NFKB2: variants seen among roughly 807,000 people sequenced by gnomAD.
NFKB2 encodes nuclear factor NF-kappa-B p100 subunit.
A neutral mutation model predicts 109.3 loss-of-function variants in NFKB2; 21 were observed. The observed-to-expected ratio is 0.19, with a 90% CI of 0.14 to 0.28. The LOEUF (loss-of-function observed/expected upper bound fraction) is 0.28, where lower values mean the gene tolerates loss of function less well. Among genes scored for constraint, NFKB2 ranks in the 10% least tolerant of loss-of-function variants. The probability of loss-of-function intolerance (pLI) is 1.00; values close to 1 mark genes in which losing one functional copy is unlikely to be tolerated. For missense variants in NFKB2, 806 were observed against 1,185.3 expected (o/e 0.68, Z 4.70); for synonymous variants, 478 against 489.9 (o/e 0.98, Z 0.32).
rs74153103 is a variant in NFKB2 at position 102,400,870 on chromosome 10, G to A, written c.1968+46G>A. 3.2e-5 allele frequency: 50 copies of A among 1,576,806 alleles called. No homozygotes were observed. In the African/African-American group the frequency reaches 6.4e-4, roughly 20 times the overall value. ...AGGAGTGGGGCCAAGGGTGGTGGAG[G>A]GGCCAAAGATGGTGAAGGGGGGGGC... On this transcript the variant is annotated intron_variant, in intron 17 of 22. Transcript: ENST00000661543. The surrounding 1 kb of genome is among the most constrained non-coding windows in gnomAD (Gnocchi z 6.3).
chr10:102,399,760 G>A (rs1161977281), intron 14 of NFKB2, 42 bp downstream of exon 14: 2 of 1,443,200 alleles, frequency 1.4e-6, no homozygotes, highest in South Asian at 2.9e-5. Context: ...CGGGGTGGGG[G>A]CAGGAAAGGG....
chr10:102,399,573 G>T lies in NFKB2; in HGVS notation c.1328-4G>T, dbSNP rs1048005855. On this transcript the variant is annotated splice_region_variant and splice_polypyrimidine_tract_variant and intron_variant, in intron 13 of 22. Coordinates refer to ENST00000661543, the MANE Select transcript of NFKB2 (RefSeq NM_001322934.2). ...CCCTGACCCACGCCCTCTGTGGCCC[G>T]TAGCTCGAGAGTACAACGCGCGCCT... is the stretch of plus-strand genomic sequence containing the variant. 2 of 1,549,632 alleles carry T rather than the reference G, an allele frequency of 1.3e-6. No homozygotes were observed. The highest frequency in any genetic ancestry group is 1.2e-5 in the South Asian group (1 of 84,110).
chr10:102,398,598 T>C lies in NFKB2; in HGVS notation c.991+75T>C, dbSNP rs2061158760. The C allele has an allele frequency of 2.5e-6, 4 of 1,609,644 alleles. No homozygotes were observed. The highest frequency in any genetic ancestry group is 1.1e-5 in the South Asian group (1 of 90,700). On this transcript the variant is annotated intron_variant, in intron 11 of 22. Transcript: ENST00000661543. The surrounding 1 kb of genome is among the most constrained non-coding windows in gnomAD (Gnocchi z 6.6). ...CTAGAAGAAGGTCCCAAGAGCTAGA[T>C]GTGGGGATGCATGAGCCAAGTCAGA...
In NFKB2 at chr10:102,400,222, G is replaced by C. The variant is rs758248642; in HGVS notation, c.1584+28G>C. 1.4e-4 allele frequency: 229 copies of C among 1,613,852 alleles called. No individual in the cohort carries two copies. The highest frequency in any genetic ancestry group is 1.9e-4 in the Non-Finnish European group (222 of 1,179,938). On this transcript the variant is annotated intron_variant, in intron 15 of 22. Coordinates refer to ENST00000661543, the MANE Select transcript of NFKB2 (RefSeq NM_001322934.2). The surrounding 1 kb of genome is among the most constrained non-coding windows in gnomAD (Gnocchi z 6.3). Reference sequence around the variant, plus strand: ...GCGGGGGCGCCTACTGGGGAGGTGGGAGGGGTTGGAAGGCAAGTGGGTCTC... The same window carrying C: ...GCGGGGGCGCCTACTGGGGAGGTGGCAGGGGTTGGAAGGCAAGTGGGTCTC...
In NFKB2 at chr10:102,400,528, G is replaced by A. The variant is rs747365773; in HGVS notation, c.1798+37G>A. Reference sequence around the variant, plus strand: ...ATCTCACCTGACTAAGGGGGCAGGCGGGGACCAGGGAGGGTATCTGGCCAG... The same window carrying A: ...ATCTCACCTGACTAAGGGGGCAGGCAGGGACCAGGGAGGGTATCTGGCCAG... On this transcript the variant is annotated intron_variant, in intron 16 of 22. Coordinates refer to ENST00000661543, the MANE Select transcript of NFKB2 (RefSeq NM_001322934.2). The surrounding 1 kb of genome is among the most constrained non-coding windows in gnomAD (Gnocchi z 6.3). 1.3e-5 allele frequency: 21 copies of A among 1,587,610 alleles called. No homozygotes were observed. Among genetic ancestry groups the A allele is most frequent in the South Asian group, 3.4e-5 (3 of 88,720 alleles).
chr10:102,399,099 G>A (rs2061169364), intron 12 of NFKB2, 189 bp from the exon 13 acceptor site: 2 of 731,412 alleles, frequency 2.7e-6, no homozygotes, highest in South Asian at 1.9e-5. Flanking sequence ...TGTAATCCCA[G>A]CTACTCGGGA....
chr10:102,397,086 G>A lies in NFKB2; in HGVS notation c.395+31G>A, dbSNP rs1018164583. 8.8e-6 allele frequency: 14 copies of A among 1,597,404 alleles called. No homozygotes were observed. The Admixed American group carries it at 1.2e-4, about 13-fold the overall frequency. On this transcript the variant is annotated intron_variant, in intron 6 of 22. Transcript: ENST00000661543. The surrounding 1 kb of genome is among the most constrained non-coding windows in gnomAD (Gnocchi z 4.7). ...TGCCCTCTACGCCTGGCCCCCACTG[G>A]TATGCCCGTCTGCCAGTCCCAGGCC...
chr10:102,397,080 C>T lies in NFKB2; in HGVS notation c.395+25C>T. 6.3e-7 allele frequency: 1 copy of T among 1,599,264 alleles called. No homozygotes were observed. The highest frequency in any genetic ancestry group is 1.3e-5 in the African/African-American group (1 of 74,768). On this transcript the variant is annotated intron_variant, in intron 6 of 22. Coordinates refer to ENST00000661543, the MANE Select transcript of NFKB2 (RefSeq NM_001322934.2). The surrounding 1 kb of genome is among the most constrained non-coding windows in gnomAD (Gnocchi z 4.7). ...AGTAGGTGCCCTCTACGCCTGGCCC[C>T]CACTGGTATGCCCGTCTGCCAGTCC...
Position 102,398,521 on chromosome 10 carries a change from A to T in NFKB2, c.989A>T (p.Glu330Val). 1 of 1,613,686 alleles carries T rather than the reference A, an allele frequency of 6.2e-7. No homozygotes were observed. The change falls in exon 11 of 23, where the codon GAA (glutamate) becomes GTA (valine). Residue 330 changes from glutamate (E) to valine (V), a missense_variant and splice_region_variant. Physicochemically the swap from Glu to Val is moderately radical, Grantham distance 121 (BLOSUM62 -2). Coordinates refer to ENST00000661543, the MANE Select transcript of NFKB2 (RefSeq NM_001322934.2). The surrounding 1 kb of genome is among the most constrained non-coding windows in gnomAD (Gnocchi z 6.6). ...SKQFTYYPLV[E>V]DKEEVQRKRR... ...CAGTTCACCTATTACCCTCTGGTGG[A>T]AGGTGGAGCTGGGCTGAGGACCTCA...
Position 102,396,153 on chromosome 10 carries a change from A to T in NFKB2, c.22-100A>T. 1 of 1,459,708 alleles carries T rather than the reference A, an allele frequency of 6.9e-7. No homozygotes were observed. The highest frequency in any genetic ancestry group is 9.5e-7 in the Non-Finnish European group (1 of 1,052,018). The allele number at this position is 1,459,708 out of a possible 1,614,324, so 90.4% of individuals were successfully genotyped here. A position where few individuals can be genotyped will look rare whatever the true frequency, so the allele number is the denominator to read the frequency against. On this transcript the variant is annotated intron_variant, in intron 2 of 22. Coordinates refer to ENST00000661543, the MANE Select transcript of NFKB2 (RefSeq NM_001322934.2). This position sits in a 1 kb window ranked among gnomAD's most constrained non-coding sequence, Gnocchi z 5.9. Reference sequence around the variant, plus strand: ...CAAAAGGAGCTTTCTCTTGGGTCTGAGGAGGAGGGGGGAGTGACCACTGAA... The same window carrying T: ...CAAAAGGAGCTTTCTCTTGGGTCTGTGGAGGAGGGGGGAGTGACCACTGAA...
chr10:102,400,691 G>A lies in NFKB2; in HGVS notation c.1835G>A (p.Ser612Asn), dbSNP rs1347281583. ...GTACACCTGGCAGTCCGAGCCCGAA[G>A]CCCTGAGTGCCTGGATCTGCTGGTG... Reference protein sequence around the residue: ...YPVHLAVRARSPECLDLLVDS... With the variant: ...YPVHLAVRARNPECLDLLVDS... Residue 612 changes from serine (S) to asparagine (N), a missense_variant, in exon 17 of 23, where the codon AGC (serine) becomes AAC (asparagine). Around this residue, in one of 10 missense-constraint regions of NFKB2, gnomAD observed 163 missense variants for 207.1 expected, o/e 0.79. Transcript: ENST00000661543. The surrounding 1 kb of genome is among the most constrained non-coding windows in gnomAD (Gnocchi z 6.3). 3.1e-6 allele frequency: 5 copies of A among 1,613,992 alleles called. No homozygotes were observed. The highest frequency in any genetic ancestry group is 2.7e-5 in the African/African-American group (2 of 74,906).
rs762964415 is a variant in NFKB2 at position 102,396,274 on chromosome 10, T to A, written c.43T>A (p.Tyr15Asn). The A allele has an allele frequency of 1.6e-5, 26 of 1,612,580 alleles. No individual in the cohort carries two copies. Among genetic ancestry groups the A allele is most frequent in the Non-Finnish European group, 2.2e-5 (26 of 1,178,890 alleles). ...YNPGLDGIIE[Y>N]DDFKLNSSIV... ...CCAGGGTCTGGATGGTATTATTGAA[T>A]ATGATGATTTCAAATTGAACTCCTC... The change falls in exon 3 of 23, where the codon TAT becomes AAT. Residue 15 changes from tyrosine (Y) to asparagine (N), a missense_variant. Coordinates refer to ENST00000661543, the MANE Select transcript of NFKB2 (RefSeq NM_001322934.2). This position sits in a 1 kb window ranked among gnomAD's most constrained non-coding sequence, Gnocchi z 5.9.
In NFKB2 at chr10:102,400,309, A is replaced by G; in HGVS notation, c.1616A>G (p.Gln539Arg). ...TPLHLAVITG[Q>R]TSVVSFLLRV... Reference sequence around the variant, plus strand: ...CTGCACCTGGCGGTGATCACGGGGCAGACGAGTGTGGTGAGCTTTCTGCTG... The same window carrying G: ...CTGCACCTGGCGGTGATCACGGGGCGGACGAGTGTGGTGAGCTTTCTGCTG... Residue 539 changes from glutamine (Q) to arginine (R), a missense_variant, in exon 16 of 23, where the codon CAG becomes CGG. Coordinates refer to ENST00000661543, the MANE Select transcript of NFKB2 (RefSeq NM_001322934.2). This position sits in a 1 kb window ranked among gnomAD's most constrained non-coding sequence, Gnocchi z 6.3. 6.2e-7 allele frequency: 1 copy of G among 1,614,054 alleles called. No individual in the cohort carries two copies. The highest frequency in any genetic ancestry group is 1.1e-5 in the South Asian group (1 of 91,086).
intron 14 of NFKB2, 152 bp downstream of exon 14, chr10:102,399,870 C>T: frequency 7.8e-7 from 1 of 1,274,892 alleles, no homozygotes; most frequent in Non-Finnish European, 1.1e-6. Context: ...TCTCTCCAAA[C>T]TTCAGTTTGG....
intron 14 of NFKB2, 50 bp downstream of exon 14, chr10:102,399,768 GGGACC>G: frequency 6.9e-7 from 1 of 1,440,568 alleles, no homozygotes; most frequent in South Asian, 1.5e-5. Flanking sequence ...GGGCAGGAAA[GGGACC>G]GGCACGGAGG....
chr10:102,402,368 G>A lies in NFKB2; in HGVS notation c.2695G>A (p.Val899Met). 1 of 1,548,026 alleles carries A rather than the reference G, an allele frequency of 6.5e-7. No homozygotes were observed. Among genetic ancestry groups the A allele is most frequent in the Non-Finnish European group, 8.7e-7 (1 of 1,148,244 alleles). ...GLCHGHPQPQ[V>M]H Reference sequence around the variant, plus strand: ...CTGCCACGGGCACCCCCAGCCTCAGGTGCACTGACCTGCTGCCTGCCCCCA... The same window carrying A: ...CTGCCACGGGCACCCCCAGCCTCAGATGCACTGACCTGCTGCCTGCCCCCA... Residue 899 changes from valine (V) to methionine (M), a missense_variant, in exon 23 of 23, where the codon GTG (valine) becomes ATG (methionine). Physicochemically the swap from Val to Met is conservative, Grantham distance 21. Coordinates refer to ENST00000661543, the MANE Select transcript of NFKB2 (RefSeq NM_001322934.2).
chr10:102,398,838 C>T lies in NFKB2; in HGVS notation c.1091C>T (p.Ala364Val). Residue 364 changes from alanine to valine, a missense_variant, in exon 12 of 23, where the codon GCC becomes GTC. Around this residue, in one of 10 missense-constraint regions of NFKB2, gnomAD observed 209 missense variants for 211.9 expected, o/e 0.99. Transcript: ENST00000661543. This position sits in a 1 kb window ranked among gnomAD's most constrained non-coding sequence, Gnocchi z 6.6. ...SHMGGGSGGA[A>V]GGYGGAGGGG... ...ATGGGTGGAGGCTCTGGGGGTGCAG[C>T]CGGGGGCTACGGAGGAGCTGGAGGA... 1 of 1,602,616 alleles carries T rather than the reference C, an allele frequency of 6.2e-7. No homozygotes were observed. Among genetic ancestry groups the T allele is most frequent in the Middle Eastern group, 1.7e-4 (1 of 5,804 alleles).
At position 102,397,609 on chromosome 10, in the gene NFKB2, T is replaced by C. The variant is rs543351754; in HGVS notation, c.585T>C (p.Ser195=). The stretch of plus-strand genomic sequence containing the variant: ...TGAGTATAGTGCGGCTGCGCTTCTC[T>C]GCCTTCCTTAGAGCCAGTGATGGCT... ...MDLSIVRLRF[S]AFLRASDGSF... is the part of the protein sequence containing the mutation. Residue 195 remains serine, a synonymous_variant, in exon 8 of 23, where the codon TCT becomes TCC. Transcript: ENST00000661543. This position sits in a 1 kb window ranked among gnomAD's most constrained non-coding sequence, Gnocchi z 4.7. 5.0e-6 allele frequency: 8 copies of C among 1,614,092 alleles called. No homozygotes were observed. In the Middle Eastern group the frequency reaches 6.6e-4, roughly 133 times the overall value.
rs1002569529 is a variant in NFKB2 at position 102,402,438 on chromosome 10, A to G, written c.*62A>G. On this transcript the variant is annotated 3_prime_UTR_variant, in exon 23 of 23. Coordinates refer to ENST00000661543, the MANE Select transcript of NFKB2 (RefSeq NM_001322934.2). The stretch of plus-strand genomic sequence containing the variant: ...TGTACAGCGTCCCCACCTATTTCAA[A>G]TCTTATTTAACACCCCACACCCACC... The G allele has an allele frequency of 1.5e-5, 15 of 990,448 alleles. No individual in the cohort carries two copies. The highest frequency in any genetic ancestry group is 5.0e-5 in the Admixed American group (2 of 40,366). The allele number at this position is 990,448 out of a possible 1,614,324, so 61.4% of individuals were successfully genotyped here. A position where few individuals can be genotyped will look rare whatever the true frequency, so the allele number is the denominator to read the frequency against.
Sources: allele counts gnomAD v4.1 joint callset, GRCh38; gene constraint gnomAD v4.1.1; regional missense constraint gnomAD v4.1.1; non-coding constraint Gnocchi (gnomAD v3.1); transcripts MANE v1.5; gene names NCBI Gene and HGNC (gene_info 2026-07-23, HGNC 2026-07-21).